The following PCDH9 variants were observed in gnomAD, a reference collection of about 807,000 sequenced individuals.
PCDH9 encodes the protein protocadherin 9.
A neutral mutation model predicts 70.6 loss-of-function variants in PCDH9; 24 were observed. That is an observed-to-expected ratio of 0.34 (90% CI 0.25 to 0.48). The LOEUF (loss-of-function observed/expected upper bound fraction) is 0.48. Ranked by LOEUF, PCDH9 falls within the 20% of genes least tolerant of loss-of-function variation. The probability of loss-of-function intolerance (pLI) is 0.99; values close to 1 mark genes in which losing one functional copy is unlikely to be tolerated. For missense variants in PCDH9, 1,281 were observed against 1,503.6 expected, an observed-to-expected ratio of 0.85 and a Z score of 2.45; for synonymous variants, 562 against 558.5, an observed-to-expected ratio of 1.01 and a Z score of -0.09.
At chr13:66,908,514 CATAAG>C in intron 2 of PCDH9, among the ~76,000 whole-genome samples, 1 of 152,262 alleles carries the variant, frequency 6.6e-6, no homozygotes, top group African/African-American at 2.4e-5. Context: ...ATCTTCTATT[CATAAG>C]ATAAGAAAAG....
intron 2 of PCDH9, among the ~76,000 whole-genome samples, chr13:66,904,995 T>A (rs1293343932): frequency 2.0e-5 from 3 of 152,044 alleles, no homozygotes; most frequent in South Asian, 2.1e-4. Context: ...ACTTACCTCC[T>A]CTAGCAACTC....
At chr13:66,713,663 C>T (rs998239690) in intron 3 of PCDH9, among the ~76,000 whole-genome samples, 2 of 91,868 alleles carry the variant, frequency 2.2e-5, no homozygotes, top group Admixed American at 1.2e-4. Flanking sequence ...AATGTACACA[C>T]ACATCCAGTT....
intron 2 of PCDH9, among the ~76,000 whole-genome samples, chr13:67,013,496 C>T (rs190731686): frequency 2.6e-5 from 4 of 151,946 alleles, no homozygotes; most frequent in African/African-American, 7.2e-5. Context: ...TTATCCATAT[C>T]TCTGATTATT....
chr13:66,800,282 T>A (rs961199963), intron 3 of PCDH9, among the ~76,000 whole-genome samples: 1 of 152,034 alleles, frequency 6.6e-6, no homozygotes, highest in Non-Finnish European at 1.5e-5. Flanking sequence ...CTTTCTCTCA[T>A]GTTGTTGAAA....
chr13:67,177,982 GA>G (rs2088509548), intron 2 of PCDH9, among the ~76,000 whole-genome samples: 1 of 152,000 alleles, frequency 6.6e-6, no homozygotes, highest in African/African-American at 2.4e-5. Flanking sequence ...CTCAATAAGG[GA>G]AAGCAATACC....
At chr13:67,062,359 C>T (rs1238255144) in intron 2 of PCDH9, among the ~76,000 whole-genome samples, 1 of 152,156 alleles carries the variant, frequency 6.6e-6, no homozygotes, top group Non-Finnish European at 1.5e-5. Context: ...GCTTTGGAGT[C>T]ATGTGACAAA....
intron 4 of PCDH9, among the ~76,000 whole-genome samples, chr13:66,621,229 G>A (rs187447292): frequency 6.6e-6 from 1 of 152,228 alleles, no homozygotes; most frequent in East Asian, 1.9e-4. Context: ...AAATCACTCT[G>A]ATGGTTATGT....
At chr13:66,968,191 C>T (rs1453935967) in intron 2 of PCDH9, among the ~76,000 whole-genome samples, 1 of 152,008 alleles carries the variant, frequency 6.6e-6, no homozygotes. Context: ...GTGACTATAA[C>T]ACTTTCCCAA....
At chr13:67,058,251 C>T (rs1209715753) in intron 2 of PCDH9, among the ~76,000 whole-genome samples, 3 of 152,110 alleles carry the variant, frequency 2.0e-5, no homozygotes, top group Non-Finnish European at 4.4e-5. Context: ...CGTCCACACA[C>T]ACGTGCGAAC....
intron 4 of PCDH9, among the ~76,000 whole-genome samples, chr13:66,473,917 G>T (rs538110063): frequency 6.6e-6 from 1 of 152,006 alleles, no homozygotes; most frequent in Admixed American, 6.6e-5. Context: ...TGCCTTGAAC[G>T]GTTGTCTTAA....
At chr13:67,180,288 AACTCACAAATGCAATCTGTAG>A (rs2088581862) in intron 2 of PCDH9, among the ~76,000 whole-genome samples, 1 of 152,162 alleles carries the variant, frequency 6.6e-6, no homozygotes, top group Non-Finnish European at 1.5e-5. Context: ...TGCAAGTTTT[AACTCACAAATGCAATCTGTAG>A]GCTATGTCGC....
At chr13:66,311,208 T>C (rs369456734) in intron 4 of PCDH9, among the ~76,000 whole-genome samples, 22 of 152,224 alleles carry the variant, frequency 1.4e-4, no homozygotes, top group African/African-American at 5.3e-4. Context: ...CCTTAACCAA[T>C]CTTTCTATAA....
At chr13:67,014,680 T>C (rs2139847120) in intron 2 of PCDH9, among the ~76,000 whole-genome samples, 1 of 152,198 alleles carries the variant, frequency 6.6e-6, no homozygotes, top group South Asian at 2.1e-4. Context: ...AACTGACTTC[T>C]TTACAGTTTC....
intron 4 of PCDH9, among the ~76,000 whole-genome samples, chr13:66,600,765 C>CGCGCGTGTGT (rs1246456426): frequency 1.5e-5 from 2 of 132,940 alleles, no homozygotes; most frequent in African/African-American, 5.4e-5. Flanking sequence ...TAATTAAGAA[C>CGCGCGTGTGT]GTGTGTGTGT....
chr13:67,139,997 C>T (rs1462530286), intron 2 of PCDH9, among the ~76,000 whole-genome samples: 1 of 143,610 alleles, frequency 7.0e-6, no homozygotes, highest in Non-Finnish European at 1.5e-5. Flanking sequence ...GCATTCCCTT[C>T]TGCTACTGAA....
intron 4 of PCDH9, among the ~76,000 whole-genome samples, chr13:66,561,559 A>C (rs182971236): frequency 4.6e-5 from 7 of 152,286 alleles, no homozygotes; most frequent in Non-Finnish European, 8.8e-5. Flanking sequence ...GGCACTCTGT[A>C]TCTAGCTCAA....
chr13:66,399,690 G>T (rs1957156038), intron 4 of PCDH9, among the ~76,000 whole-genome samples: 1 of 150,096 alleles, frequency 6.7e-6, no homozygotes, highest in South Asian at 2.1e-4. Context: ...TCTAGGAAAT[G>T]ATCTTTTGTC....
intron 2 of PCDH9, among the ~76,000 whole-genome samples, chr13:67,130,931 G>T (rs146224283): frequency 6.6e-6 from 1 of 151,904 alleles, no homozygotes; most frequent in East Asian, 1.9e-4. Flanking sequence ...TTTAACCTTC[G>T]CCTTCCCTTC....
chr13:67,157,127 A>G (rs979355466), intron 2 of PCDH9, among the ~76,000 whole-genome samples: 1 of 152,198 alleles, frequency 6.6e-6, no homozygotes, highest in Admixed American at 6.5e-5. Context: ...AATGCCTAAC[A>G]TATATTGAAT....
Sources: gnomAD v4.1 joint callset for allele counts (sites outside exome capture counted in the v4.1 genomes callset) on GRCh38, gnomAD v4.1.1 for gene constraint, MANE v1.5 for transcripts, NCBI Gene and HGNC (gene_info 2026-07-23, HGNC 2026-07-21) for gene names.